Variants in AGAP1 observed in about 807,000 individuals in gnomAD.
The protein encoded by AGAP1 is ArfGAP with GTPase domain, ankyrin repeat and PH domain 1.
A neutral mutation model predicts 105.3 loss-of-function variants in AGAP1; 29 were observed. That is an observed-to-expected ratio of 0.28 (90% CI 0.21 to 0.38). The LOEUF is 0.38. Ranked by LOEUF, AGAP1 falls within the 10% of genes least tolerant of loss-of-function variation. AGAP1 has a pLI of 1.00. For synonymous variants in AGAP1, 509 were observed against 485.9 expected (o/e 1.05, Z -0.63); for missense variants, 998 against 1,165.1 (o/e 0.86, Z 2.09).
chr2:235,495,996 C>T (rs2148991055), intron 1 of AGAP1, among the ~76,000 whole-genome samples: 1 of 152,340 alleles, frequency 6.6e-6, no homozygotes, highest in South Asian at 2.1e-4. Flanking sequence ...TGGCGTTGCC[C>T]AGCCTCCTCC....
At chr2:236,108,294 C>T (rs1576324025) in intron 16 of AGAP1, among the ~76,000 whole-genome samples, 1 of 152,302 alleles carries the variant, frequency 6.6e-6, no homozygotes, top group East Asian at 1.9e-4. Flanking sequence ...TCCATGCCTC[C>T]CCTCCCAGTT....
At chr2:235,854,227 T>A (rs564852794) in intron 9 of AGAP1, among the ~76,000 whole-genome samples, 5 of 152,280 alleles carry the variant, frequency 3.3e-5, no homozygotes, top group Non-Finnish European at 7.4e-5. Flanking sequence ...TGTTGACAAC[T>A]CCTGTCACAG....
At chr2:235,827,301 C>G (rs1355220913) in intron 9 of AGAP1, among the ~76,000 whole-genome samples, 1 of 152,172 alleles carries the variant, frequency 6.6e-6, no homozygotes, top group Non-Finnish European at 1.5e-5. Flanking sequence ...CTTGCTCACC[C>G]TGAGGTTTCA....
rs969162014 is a variant in AGAP1 at position 235,900,506 on chromosome 2, G to A, written c.1156-8232G>A. On this transcript the variant is annotated intron_variant, in intron 10 of 17. Transcript: ENST00000304032. The surrounding 1 kb of genome is among the most constrained non-coding windows in gnomAD (Gnocchi z 5.5). The stretch of plus-strand genomic sequence containing the variant: ...TGGGTCACTAGGGGTGATGGTGAGT[G>A]GTGCCACTTCCATTTCTGCCCCTTG... 1.3e-5 allele frequency among the ~76,000 whole-genome samples: 2 copies of A among 151,982 alleles called. No individual in the cohort carries two copies. Among genetic ancestry groups the A allele is most frequent in the Admixed American group, 1.3e-4 (2 of 15,264 alleles).
chr2:235,790,472 C>T (rs1379878325), intron 6 of AGAP1, among the ~76,000 whole-genome samples: 1 of 152,110 alleles, frequency 6.6e-6, no homozygotes, highest in Non-Finnish European at 1.5e-5. Context: ...TCCCCACACC[C>T]CTGCACACTC....
At chr2:235,627,778 C>G (rs114574984) in intron 1 of AGAP1, among the ~76,000 whole-genome samples, 5 of 152,106 alleles carry the variant, frequency 3.3e-5, no homozygotes, top group African/African-American at 1.2e-4. Context: ...ATGTCTATTG[C>G]TGAGAAAGAG....
chr2:235,546,558 T>C (rs1335827937), intron 1 of AGAP1, among the ~76,000 whole-genome samples: 2 of 152,126 alleles, frequency 1.3e-5, no homozygotes, highest in Non-Finnish European at 2.9e-5. Context: ...CCAAGGTGAA[T>C]GGTGGTTTCC....
intron 13 of AGAP1, among the ~76,000 whole-genome samples, chr2:236,021,165 CAA>C (rs1226322235): frequency 1.3e-4 from 10 of 76,228 alleles, no homozygotes; most frequent in South Asian, 4.9e-4. Flanking sequence ...GATTCTGTCT[CAA>C]AAAAAAAAAA....
chr2:235,872,823 T>A lies in AGAP1; in HGVS notation c.1051-10522T>A, dbSNP rs1248519406. Among the ~76,000 whole-genome samples the A allele has an allele frequency of 6.6e-6, 1 of 152,186 alleles. No homozygotes were observed. The highest frequency in any genetic ancestry group is 1.5e-5 in the Non-Finnish European group (1 of 68,022). On this transcript the variant is annotated intron_variant, in intron 9 of 17. Coordinates refer to ENST00000304032, the MANE Select transcript of AGAP1 (RefSeq NM_001037131.3). This position sits in a 1 kb window ranked among gnomAD's most constrained non-coding sequence, Gnocchi z 4.5. ...TGCACATGGGGGATGCTGAGTGTGT[T>A]CAGAGGGGCGTCCCATGGTCGAACT...
rs79250950 is a variant in AGAP1 at position 235,835,708 on chromosome 2, A to G, written c.1050+28377A>G. On this transcript the variant is annotated intron_variant, in intron 9 of 17. Transcript: ENST00000304032. ...AGCCCTGTGCTGGGCACTTTACAAC[A>G]AAATCGTGTCTCCATTGCAAAAAGT... Among the ~76,000 whole-genome samples, 1,217 of 152,354 alleles carry G rather than the reference A, an allele frequency of 8.0e-3. 20 individuals are homozygous for G. Among genetic ancestry groups the G allele is most frequent in the African/African-American group, 0.028 (1,148 of 41,578 alleles).
In AGAP1 at chr2:235,964,691, A is replaced by G. The variant is rs1349075095; in HGVS notation, c.1484-3771A>G. Among the ~76,000 whole-genome samples, 1 of 152,162 alleles carries G rather than the reference A, an allele frequency of 6.6e-6. No homozygotes were observed. The highest frequency in any genetic ancestry group is 1.9e-4 in the East Asian group (1 of 5,198). On this transcript the variant is annotated intron_variant, in intron 12 of 17. Coordinates refer to ENST00000304032, the MANE Select transcript of AGAP1 (RefSeq NM_001037131.3). The surrounding 1 kb of genome is among the most constrained non-coding windows in gnomAD (Gnocchi z 4.6). ...GCCCTTTTTTTTCCAAGATATCTAT[A>G]GCTTTTATCTGATATTCAGTGGAAT... is the stretch of plus-strand genomic sequence containing the variant.
At chr2:235,727,812 G>A (rs578188879) in intron 3 of AGAP1, among the ~76,000 whole-genome samples, 2 of 152,068 alleles carry the variant, frequency 1.3e-5, no homozygotes, top group Non-Finnish European at 2.9e-5. Flanking sequence ...CAGCAATCAG[G>A]GTTCAATGGT....
chr2:235,691,484 A>G lies in AGAP1; in HGVS notation c.164-17695A>G, dbSNP rs1273952671. On this transcript the variant is annotated intron_variant, in intron 1 of 17. Coordinates refer to ENST00000304032, the MANE Select transcript of AGAP1 (RefSeq NM_001037131.3). This position sits in a 1 kb window ranked among gnomAD's most constrained non-coding sequence, Gnocchi z 4.4. Reference sequence around the variant, plus strand: ...AAAGATACTCATTTGAGATGTGCCAACATTTAGTCGGATTCTGTGACTGGT... The same window carrying G: ...AAAGATACTCATTTGAGATGTGCCAGCATTTAGTCGGATTCTGTGACTGGT... Among the ~76,000 whole-genome samples the G allele has an allele frequency of 6.6e-6, 1 of 152,252 alleles. No homozygotes were observed. The highest frequency in any genetic ancestry group is 1.9e-4 in the East Asian group (1 of 5,204).
intron 6 of AGAP1, among the ~76,000 whole-genome samples, chr2:235,779,271 G>A (rs775957137): frequency 9.9e-5 from 15 of 152,270 alleles, no homozygotes; most frequent in East Asian, 5.8e-4. Context: ...ATACAGCCTC[G>A]CCAAGATACA....
In AGAP1 at chr2:235,712,059, CTG is replaced by C. The variant is rs1950885425; in HGVS notation, c.222+2824_222+2825del. Among the ~76,000 whole-genome samples the C allele has an allele frequency of 6.6e-6, 1 of 152,018 alleles. No homozygotes were observed. Among genetic ancestry groups the C allele is most frequent in the South Asian group, 2.1e-4 (1 of 4,820 alleles). On this transcript the variant is annotated intron_variant, in intron 2 of 17. Coordinates refer to ENST00000304032, the MANE Select transcript of AGAP1 (RefSeq NM_001037131.3). The surrounding 1 kb of genome is among the most constrained non-coding windows in gnomAD (Gnocchi z 6.0). ...TTTTTTTTTGTTACGGGGTCTCACT[CTG>C]TCACCCAGGCTGGAGTGCAGTGGCG...
chr2:235,805,146 G>A (rs1957774481), intron 8 of AGAP1, among the ~76,000 whole-genome samples: 1 of 152,158 alleles, frequency 6.6e-6, no homozygotes, highest in African/African-American at 2.4e-5. Flanking sequence ...GTTCTTTCCC[G>A]AAATTTTAGT....
intron 1 of AGAP1, among the ~76,000 whole-genome samples, chr2:235,576,221 G>C (rs1944727970): frequency 6.6e-6 from 1 of 152,188 alleles, no homozygotes; most frequent in Non-Finnish European, 1.5e-5. Context: ...GTAGGATAGG[G>C]GCTTTGGTCG....
At chr2:235,871,760 CAG>C (rs2049454809) in intron 9 of AGAP1, among the ~76,000 whole-genome samples, 1 of 152,202 alleles carries the variant, frequency 6.6e-6, no homozygotes, top group African/African-American at 2.4e-5. Flanking sequence ...ACTTATCTGT[CAG>C]AGCTTCCCAA....
intron 13 of AGAP1, among the ~76,000 whole-genome samples, chr2:236,010,593 C>T (rs1366669818): frequency 6.6e-6 from 1 of 152,190 alleles, no homozygotes; most frequent in East Asian, 1.9e-4. Context: ...CATACATAGC[C>T]AGTGTAGACA....
Sources: allele counts gnomAD v4.1 joint callset (sites outside exome capture counted in the v4.1 genomes callset), GRCh38; gene constraint gnomAD v4.1.1; non-coding constraint Gnocchi (gnomAD v3.1); transcripts MANE v1.5; gene names NCBI Gene and HGNC (gene_info 2026-07-23, HGNC 2026-07-21).